PXDNL: variants seen among roughly 807,000 people sequenced by gnomAD.
PXDNL encodes peroxidasin like.
PXDNL carries 145 observed loss-of-function variants against 150.8 expected under a neutral mutation model. The ratio of observed to expected loss-of-function variants is 0.96; its 90% CI spans 0.84 to 1.10. PXDNL has a LOEUF of 1.10. PXDNL is among the 50% of genes least tolerant of loss of function. The probability of loss-of-function intolerance (pLI) is 0.00; values close to 1 mark genes in which losing one functional copy is unlikely to be tolerated. For synonymous variants in PXDNL, 757 were observed against 725.7 expected (o/e 1.04, Z -0.69); for missense variants, 2,087 against 1,873.9 (o/e 1.11, Z -2.10).
intron 1 of PXDNL, among the ~76,000 whole-genome samples, chr8:51,802,276 C>A (rs533719273): frequency 6.6e-6 from 1 of 151,936 alleles, no homozygotes; most frequent in Admixed American, 6.6e-5. Context: ...CTGGAGAAGA[C>A]CAACAAAGTT....
intron 4 of PXDNL, among the ~76,000 whole-genome samples, chr8:51,509,365 T>A (rs190924191): frequency 6.6e-6 from 1 of 152,060 alleles, no homozygotes; most frequent in East Asian, 1.9e-4. Flanking sequence ...TTCAAAACCC[T>A]CCAGTGCTCA....
At chr8:51,518,747 G>T (rs1265828997) in intron 4 of PXDNL, among the ~76,000 whole-genome samples, 1 of 152,154 alleles carries the variant, frequency 6.6e-6, no homozygotes, top group Non-Finnish European at 1.5e-5. Context: ...ATCACTGTAG[G>T]AGACATGCAG....
chr8:51,386,881 T>C (rs767931380), intron 17 of PXDNL, among the ~76,000 whole-genome samples: 7 of 152,142 alleles, frequency 4.6e-5, no homozygotes, highest in Non-Finnish European at 1.0e-4. Flanking sequence ...AAGCATTTTA[T>C]TTCTATTATT....
chr8:51,522,927 T>C (rs1811692730), intron 4 of PXDNL, among the ~76,000 whole-genome samples: 1 of 148,042 alleles, frequency 6.8e-6, no homozygotes, highest in African/African-American at 2.7e-5. Flanking sequence ...AATAAAATAC[T>C]TTATCTTTGT....
At chr8:51,800,139 C>T (rs183278755) in intron 1 of PXDNL, among the ~76,000 whole-genome samples, 1 of 152,202 alleles carries the variant, frequency 6.6e-6, no homozygotes, top group Admixed American at 6.5e-5. Flanking sequence ...GTCCACAGCA[C>T]TCTTAGAATG....
At position 51,397,496 on chromosome 8, in the gene PXDNL, T is replaced by C. The variant is rs577121315; in HGVS notation, c.3557+10571A>G. 4.5e-3 allele frequency among the ~76,000 whole-genome samples: 687 copies of C among 152,224 alleles called. 4 individuals are homozygous for C. Among genetic ancestry groups the C allele is most frequent in the African/African-American group, 0.016 (673 of 41,560 alleles). Reference sequence around the variant, plus strand: ...CTGCTTGTTTAACAAATACTAAGAATCAGGCATTGTTAGACATTTAAGGAG... The same window carrying C: ...CTGCTTGTTTAACAAATACTAAGAACCAGGCATTGTTAGACATTTAAGGAG... On this transcript the variant is annotated intron_variant, in intron 17 of 22. Coordinates refer to ENST00000356297, the MANE Select transcript of PXDNL (RefSeq NM_144651.5).
chr8:51,320,649 C>A (rs897936798), intron 22 of PXDNL, 135 bp downstream of exon 22: 1 of 660,390 alleles, frequency 1.5e-6, no homozygotes, highest in Non-Finnish European at 2.6e-6. Flanking sequence ...CACACCAGTA[C>A]CTTGATCTTA....
At position 51,488,414 on chromosome 8, in the gene PXDNL, T is replaced by C. The variant is rs577713817; in HGVS notation, c.453-4700A>G. ...AAACAAGGGTTCACAAAGACCTGGA[T>C]GGAGAAACACAATAATTAGTAGCCA... On this transcript the variant is annotated intron_variant, in intron 5 of 22. Transcript: ENST00000356297. 8.5e-5 allele frequency among the ~76,000 whole-genome samples: 13 copies of C among 152,178 alleles called. No homozygotes were observed. The East Asian group carries it at 2.5e-3, about 29-fold the overall frequency.
chr8:51,725,145 A>C (rs1011032699), intron 1 of PXDNL, among the ~76,000 whole-genome samples: 2 of 152,166 alleles, frequency 1.3e-5, no homozygotes, highest in African/African-American at 4.8e-5. Context: ...TAAGGTGCTG[A>C]GAACAAGATC....
intron 1 of PXDNL, among the ~76,000 whole-genome samples, chr8:51,755,632 G>A (rs752006985): frequency 6.6e-6 from 1 of 152,080 alleles, no homozygotes; most frequent in African/African-American, 2.4e-5. Flanking sequence ...GTGCTGTGAT[G>A]GTAGATGAAT....
rs139150487 is a variant in PXDNL, at chr8:51,676,808, T to A, written c.165-22048A>T. Among the ~76,000 whole-genome samples, 258 of 152,336 alleles carry A rather than the reference T, an allele frequency of 1.7e-3. 1 individual carries two copies. The highest frequency in any genetic ancestry group is 3.4e-3 in the Middle Eastern group (1 of 294). On this transcript the variant is annotated intron_variant, in intron 1 of 22. Coordinates refer to ENST00000356297, the MANE Select transcript of PXDNL (RefSeq NM_144651.5). Reference sequence around the variant, plus strand: ...GTATTATCAAGCTCAGTGTCATATATCCCTTGGCCAAGTAATAAGCATTCT... The same window carrying A: ...GTATTATCAAGCTCAGTGTCATATAACCCTTGGCCAAGTAATAAGCATTCT...
At chr8:51,663,944 G>A (rs561411777) in intron 1 of PXDNL, among the ~76,000 whole-genome samples, 27 of 151,924 alleles carry the variant, frequency 1.8e-4, no homozygotes, top group African/African-American at 5.3e-4. Flanking sequence ...CCAGCTACTT[G>A]GGAGGCTGAG....
At chr8:51,665,888 A>G (rs1226666250) in intron 1 of PXDNL, among the ~76,000 whole-genome samples, 1 of 152,224 alleles carries the variant, frequency 6.6e-6, no homozygotes, top group East Asian at 1.9e-4. Context: ...AAGCTGACAG[A>G]GACAGTGTAT....
intron 5 of PXDNL, among the ~76,000 whole-genome samples, chr8:51,491,642 G>A (rs1467811809): frequency 1.3e-5 from 2 of 152,098 alleles, no homozygotes; most frequent in Non-Finnish European, 2.9e-5. Context: ...CACCTCCCCA[G>A]GCAGCAGGAC....
intron 6 of PXDNL, among the ~76,000 whole-genome samples, chr8:51,478,361 C>G (rs1319537995): frequency 1.3e-5 from 2 of 152,198 alleles, no homozygotes; most frequent in African/African-American, 4.8e-5. Flanking sequence ...AAAATAATTA[C>G]TCACTTGGAA....
At chr8:51,560,988 C>T (rs1812705464) in intron 3 of PXDNL, among the ~76,000 whole-genome samples, 1 of 151,458 alleles carries the variant, frequency 6.6e-6, no homozygotes, top group South Asian at 2.1e-4. Context: ...ATAGACAGTT[C>T]ATCAAAGAAA....
intron 5 of PXDNL, among the ~76,000 whole-genome samples, chr8:51,492,556 C>T (rs1810920075): frequency 6.6e-6 from 1 of 152,304 alleles, no homozygotes; most frequent in African/African-American, 2.4e-5. Context: ...TGACAGATGG[C>T]ACCTGGAAAA....
intron 5 of PXDNL, among the ~76,000 whole-genome samples, chr8:51,486,786 ATATATATATTTTTTTTTTTTTTT>A (rs1189089899): frequency 2.1e-4 from 5 of 23,558 alleles, no homozygotes; most frequent in African/African-American, 8.1e-4. Context: ...ATATATATAT[ATATATATATTTTTTTTTTTTTTT>A]TTTTTTTTTT....
intron 12 of PXDNL, among the ~76,000 whole-genome samples, chr8:51,431,511 A>G (rs1220541997): frequency 1.3e-5 from 2 of 152,208 alleles, no homozygotes; most frequent in African/African-American, 2.4e-5. Flanking sequence ...TCTTTATTGA[A>G]TGCACCTTTT....
Sources: gnomAD v4.1 joint callset for allele counts (sites outside exome capture counted in the v4.1 genomes callset) on GRCh38, gnomAD v4.1.1 for gene constraint, MANE v1.5 for transcripts, NCBI Gene and HGNC (gene_info 2026-07-23, HGNC 2026-07-21) for gene names.